SPACA7: variants seen among roughly 807,000 people sequenced by gnomAD.
SPACA7 encodes sperm acrosome associated 7, also known as sperm acrosome-associated protein 7.
SPACA7 carries 19 observed loss-of-function variants against 26.3 expected under a neutral mutation model. That is an observed-to-expected ratio of 0.72 (90% CI 0.50 to 1.06). SPACA7 has a LOEUF of 1.06. Ranked by LOEUF, SPACA7 falls within the 50% of genes least tolerant of loss-of-function variation. SPACA7 has a pLI of 0.00. For missense variants in SPACA7, 211 were observed against 229.9 expected, an observed-to-expected ratio of 0.92 and a Z score of 0.53; for synonymous variants, 84 against 84.5, an observed-to-expected ratio of 0.99 and a Z score of 0.04.
At chr13:112,377,821 G>A (rs1185540033) in intron 1 of SPACA7, among the ~76,000 whole-genome samples, 1 of 152,202 alleles carries the variant, frequency 6.6e-6, no homozygotes, top group Non-Finnish European at 1.5e-5. Context: ...GGTGGAGGAT[G>A]TGTGCTGGAT....
chr13:112,429,887 T>C (rs1418997449), intron 5 of SPACA7, among the ~76,000 whole-genome samples: 1 of 152,252 alleles, frequency 6.6e-6, no homozygotes, highest in Non-Finnish European at 1.5e-5. Context: ...CTTTTGAGGC[T>C]TGCTTTTATG....
At chr13:112,401,885 C>A (rs1206594474) in intron 5 of SPACA7, among the ~76,000 whole-genome samples, 1 of 152,230 alleles carries the variant, frequency 6.6e-6, no homozygotes, top group African/African-American at 2.4e-5. Context: ...GTATTACACA[C>A]AAAGTTTTTC....
At chr13:112,429,845 A>G (rs2139078865) in intron 5 of SPACA7, among the ~76,000 whole-genome samples, 1 of 152,212 alleles carries the variant, frequency 6.6e-6, no homozygotes, top group South Asian at 2.1e-4. Context: ...CTGTTCTTTT[A>G]CCCAGTTAAG....
intron 1 of SPACA7, among the ~76,000 whole-genome samples, chr13:112,383,026 A>AAGAGAGAGAGAGAGAAAG (rs371501039): frequency 0.17 from 16,441 of 95,312 alleles, 1,819 homozygotes; most frequent in East Asian, 0.32. Context: ...GAAAGAAAGA[A>AAGAGAGAGAGAGAGAAAG]AGAGAGAGAG....
chr13:112,384,396 A>G (rs773329968), intron 1 of SPACA7, among the ~76,000 whole-genome samples: 1 of 152,120 alleles, frequency 6.6e-6, no homozygotes, highest in Non-Finnish European at 1.5e-5. Flanking sequence ...TTTGGAACAT[A>G]TATTAATAAC....
intron 1 of SPACA7, among the ~76,000 whole-genome samples, chr13:112,385,868 G>A (rs2138882765): frequency 6.6e-6 from 1 of 152,210 alleles, no homozygotes; most frequent in South Asian, 2.1e-4. Context: ...CATATAAATA[G>A]ACAGACAAAA....
chr13:112,402,171 A>T (rs1885689785), intron 5 of SPACA7, among the ~76,000 whole-genome samples: 1 of 152,244 alleles, frequency 6.6e-6, no homozygotes, highest in Non-Finnish European at 1.5e-5. Flanking sequence ...TCTATCTAAG[A>T]ATAAGTAATG....
intron 1 of SPACA7, among the ~76,000 whole-genome samples, chr13:112,380,171 T>C (rs920862323): frequency 2.0e-5 from 3 of 152,060 alleles, no homozygotes; most frequent in Non-Finnish European, 2.9e-5. Flanking sequence ...TCCCAGCACT[T>C]TGGGAGGCCA....
intron 4 of SPACA7, 90 bp from the exon 5 acceptor site, chr13:112,400,979 T>C (rs1885601235): frequency 1.1e-6 from 1 of 916,766 alleles, no homozygotes; most frequent in African/African-American, 1.7e-5. Flanking sequence ...GCATCTCAAC[T>C]TAGCATGTTT....
chr13:112,411,172 T>TAA (rs58713595), intron 5 of SPACA7, among the ~76,000 whole-genome samples: 2 of 147,752 alleles, frequency 1.4e-5, no homozygotes, highest in African/African-American at 2.5e-5. Flanking sequence ...CTTTAAATTA[T>TAA]AAAAAAAAAA....
At chr13:112,383,802 C>T (rs1404590721) in intron 1 of SPACA7, among the ~76,000 whole-genome samples, 1 of 152,200 alleles carries the variant, frequency 6.6e-6, no homozygotes, top group Non-Finnish European at 1.5e-5. Flanking sequence ...AGAAGCATGC[C>T]AGTCCAGTTA....
chr13:112,397,891 TC>T (rs1020547681), intron 2 of SPACA7, among the ~76,000 whole-genome samples, 157 bp from the exon 3 acceptor site: 4 of 151,614 alleles, frequency 2.6e-5, no homozygotes, highest in African/African-American at 9.6e-5. Flanking sequence ...GAAGGTTCTT[TC>T]GAAAGTCAAG....
chr13:112,387,538 C>A (rs183173324), intron 1 of SPACA7, among the ~76,000 whole-genome samples: 5 of 152,292 alleles, frequency 3.3e-5, no homozygotes, highest in African/African-American at 9.6e-5. Context: ...TTAATTAAAC[C>A]CTTGCAGAGA....
intron 1 of SPACA7, among the ~76,000 whole-genome samples, chr13:112,387,712 C>T (rs962553745): frequency 6.6e-6 from 1 of 152,154 alleles, no homozygotes; most frequent in Non-Finnish European, 1.5e-5. Flanking sequence ...TGCACCATAG[C>T]TGTGGGGTTC....
chr13:112,423,832 CA>C (rs1232174532), intron 5 of SPACA7, among the ~76,000 whole-genome samples: 1 of 152,170 alleles, frequency 6.6e-6, no homozygotes, highest in Non-Finnish European at 1.5e-5. Flanking sequence ...ATTTCTAAAA[CA>C]GAACGATTAG....
chr13:112,398,134 G>A lies in SPACA7; in HGVS notation c.237G>A (p.Pro79=), dbSNP rs753597442. The A allele has an allele frequency of 2.0e-5, 33 of 1,612,318 alleles. 1 individual carries two copies. Among genetic ancestry groups the A allele is most frequent in the African/African-American group, 1.2e-4 (9 of 74,874 alleles). Residue 79 remains proline, a synonymous_variant, in exon 3 of 7, where the codon CCG becomes CCA. Transcript: ENST00000283550. ...GTACAGCATCAACATTATCAACACC[G>A]TTACGTAAGGAGAAAAGCAAGCACA... The part of the protein sequence containing the change: ...MPSTASTLST[P]LHAGIDENYQ...
chr13:112,383,387 T>A (rs9603890), intron 1 of SPACA7, among the ~76,000 whole-genome samples: 30,665 of 152,054 alleles, frequency 0.2, 3,671 homozygotes, highest in South Asian at 0.34. Flanking sequence ...CCCTATTTTT[T>A]AAAGAAAAAC....
At chr13:112,385,383 T>C (rs1012873777) in intron 1 of SPACA7, among the ~76,000 whole-genome samples, 4 of 152,268 alleles carry the variant, frequency 2.6e-5, no homozygotes, top group African/African-American at 9.6e-5. Flanking sequence ...ATCTTAATTT[T>C]ATGTTATAAT....
At chr13:112,405,736 T>A (rs4907699) in intron 5 of SPACA7, among the ~76,000 whole-genome samples, 11 of 152,036 alleles carry the variant, frequency 7.2e-5, no homozygotes, top group South Asian at 2.1e-4. Flanking sequence ...ATTCAACCTG[T>A]CTTTTGTTAA....
Sources: gnomAD v4.1 joint callset for allele counts (sites outside exome capture counted in the v4.1 genomes callset) on GRCh38, gnomAD v4.1.1 for gene constraint, MANE v1.5 for transcripts, NCBI Gene and HGNC (gene_info 2026-07-23, HGNC 2026-07-21) for gene names.